The following DYNC1I2 variants were observed in gnomAD, a reference collection of about 807,000 sequenced individuals.
The protein encoded by DYNC1I2 is cytoplasmic dynein 1 intermediate chain 2.
A neutral mutation model predicts 88.6 loss-of-function variants in DYNC1I2; 53 were observed. The observed-to-expected ratio is 0.60, with a 90% CI of 0.48 to 0.75. The LOEUF is 0.75. Among genes scored for constraint, DYNC1I2 ranks in the 30% least tolerant of loss-of-function variants. The probability of loss-of-function intolerance (pLI) is 0.00; values close to 1 mark genes in which losing one functional copy is unlikely to be tolerated. For synonymous variants in DYNC1I2, 198 were observed against 254.6 expected, an observed-to-expected ratio of 0.78 and a Z score of 2.12; for missense variants, 458 against 766.6, an observed-to-expected ratio of 0.60 and a Z score of 4.75.
intron 5 of DYNC1I2, among the ~76,000 whole-genome samples, chr2:171,710,252 A>G (rs749040303): frequency 2.6e-5 from 4 of 151,564 alleles, no homozygotes; most frequent in Non-Finnish European, 5.9e-5. Flanking sequence ...TGGCAGTGAA[A>G]TAATGCATTT....
intron 3 of DYNC1I2, chr2:171,693,107 A>G (rs569981686): frequency 1.1e-4 from 55 of 513,274 alleles, no homozygotes; most frequent in Non-Finnish European, 1.8e-4. Flanking sequence ...ATTAACATAT[A>G]CTGAACTACC....
At chr2:171,705,919 A>AT (rs933829064) in intron 3 of DYNC1I2, among the ~76,000 whole-genome samples, 9 of 151,454 alleles carry the variant, frequency 5.9e-5, no homozygotes, top group East Asian at 1.9e-4. Flanking sequence ...TCTAGTTGTG[A>AT]TTTTTTTTTC....
intron 7 of DYNC1I2, among the ~76,000 whole-genome samples, chr2:171,715,664 T>C (rs1159254137): frequency 6.6e-6 from 1 of 152,166 alleles, no homozygotes; most frequent in Non-Finnish European, 1.5e-5. Context: ...GTAAGCTGTA[T>C]GTGTGGTTTC....
chr2:171,737,877 G>A (rs1183044708), intron 15 of DYNC1I2, among the ~76,000 whole-genome samples: 19 of 151,744 alleles, frequency 1.3e-4, no homozygotes, highest in Admixed American at 1.2e-3. Flanking sequence ...CATGTCACGG[G>A]GGTTTGTTGT....
chr2:171,727,999 C>T, intron 12 of DYNC1I2, 32 bp downstream of exon 12: 1 of 1,605,744 alleles, frequency 6.2e-7, no homozygotes, highest in South Asian at 1.1e-5. Flanking sequence ...CATTAGGCTT[C>T]TGTGCTCCTT....
At chr2:171,725,588 T>TTGTTTG in intron 7 of DYNC1I2, 30 bp from the exon 8 acceptor site, 1 of 1,365,284 alleles carries the variant, frequency 7.3e-7, no homozygotes, top group Non-Finnish European at 9.9e-7. Context: ...GTTTTTTTGT[T>TTGTTTG]TTTTTGTTTG....
chr2:171,709,879 AGCTAATTTTGTATTTTTAGTAAAG>A (rs1291611033), intron 5 of DYNC1I2, among the ~76,000 whole-genome samples: 1 of 151,960 alleles, frequency 6.6e-6, no homozygotes, highest in Admixed American at 6.6e-5. Flanking sequence ...AACCGCGCCC[AGCTAATTTTGTATTTTTAGTAAAG>A]ACAGGGTTTC....
At chr2:171,706,643 C>A in intron 4 of DYNC1I2, 79 bp downstream of exon 4, 1 of 1,319,416 alleles carries the variant, frequency 7.6e-7, no homozygotes, top group Non-Finnish European at 1.1e-6. Flanking sequence ...AGAAGGCATG[C>A]TGTTTTATTG....
At chr2:171,709,588 T>C (rs1195354336) in intron 5 of DYNC1I2, among the ~76,000 whole-genome samples, 4 of 152,188 alleles carry the variant, frequency 2.6e-5, no homozygotes, top group East Asian at 1.9e-4. Flanking sequence ...TAATGATAAA[T>C]TGTAAAACAC....
chr2:171,730,955 A>G (rs1278832926), intron 15 of DYNC1I2, among the ~76,000 whole-genome samples: 1 of 152,166 alleles, frequency 6.6e-6, no homozygotes, highest in Non-Finnish European at 1.5e-5. Context: ...CAGGTTAGAA[A>G]ACTTTGCCTC....
At chr2:171,742,058 G>A (rs1689469768) in intron 15 of DYNC1I2, among the ~76,000 whole-genome samples, 1 of 138,784 alleles carries the variant, frequency 7.2e-6, no homozygotes. Context: ...AGAGCGAGAC[G>A]CGGTCTCAGA....
chr2:171,689,339 A>G (rs982792262), intron 1 of DYNC1I2, among the ~76,000 whole-genome samples: 1 of 152,202 alleles, frequency 6.6e-6, no homozygotes, highest in Non-Finnish European at 1.5e-5. Flanking sequence ...TAATGATGGT[A>G]ACTCCTGCGT....
intron 15 of DYNC1I2, among the ~76,000 whole-genome samples, chr2:171,742,361 T>C (rs113070172): frequency 0.016 from 2,483 of 152,050 alleles, 56 homozygotes; most frequent in African/African-American, 0.052. Context: ...TTTGTGGAGA[T>C]GGGGTTTTGC....
intron 3 of DYNC1I2, among the ~76,000 whole-genome samples, chr2:171,694,131 G>A (rs955798154): frequency 1.3e-5 from 2 of 151,376 alleles, no homozygotes; most frequent in African/African-American, 2.4e-5. Context: ...TCCACCTCCT[G>A]GGTTCAAGCG....
intron 3 of DYNC1I2, among the ~76,000 whole-genome samples, chr2:171,703,007 G>T (rs1331859817): frequency 1.3e-5 from 2 of 152,154 alleles, no homozygotes; most frequent in Non-Finnish European, 2.9e-5. Flanking sequence ...TTACAGGCAT[G>T]AGTCACTGTC....
chr2:171,733,662 G>A (rs1688797587), intron 15 of DYNC1I2, among the ~76,000 whole-genome samples: 1 of 151,090 alleles, frequency 6.6e-6, no homozygotes, highest in African/African-American at 2.4e-5. Flanking sequence ...CCTTATAGAT[G>A]CCGGATATTA....
At chr2:171,695,979 T>C (rs1472017101) in intron 3 of DYNC1I2, among the ~76,000 whole-genome samples, 2 of 152,346 alleles carry the variant, frequency 1.3e-5, no homozygotes, top group East Asian at 3.9e-4. Flanking sequence ...TTTATATATC[T>C]TTTAACCATT....
chr2:171,735,928 C>T (rs1012892595), intron 15 of DYNC1I2, among the ~76,000 whole-genome samples: 1 of 152,094 alleles, frequency 6.6e-6, no homozygotes, highest in Non-Finnish European at 1.5e-5. Flanking sequence ...CATAAAATGA[C>T]GAAGTTAAGA....
chr2:171,718,442 T>C (rs917963220), intron 7 of DYNC1I2, among the ~76,000 whole-genome samples: 1 of 152,036 alleles, frequency 6.6e-6, no homozygotes, highest in Non-Finnish European at 1.5e-5. Flanking sequence ...AACTTCTTTT[T>C]TTTTTCTTTG....
Sources: gnomAD v4.1 joint callset for allele counts (sites outside exome capture counted in the v4.1 genomes callset) on GRCh38, gnomAD v4.1.1 for gene constraint, MANE v1.5 for transcripts, NCBI Gene and HGNC (gene_info 2026-07-23, HGNC 2026-07-21) for gene names.